CDH2: variants seen among roughly 807,000 people sequenced by gnomAD.
CDH2 encodes cadherin 2.
CDH2 carries 17 observed loss-of-function variants against 92.0 expected under a neutral mutation model. The ratio of observed to expected loss-of-function variants is 0.18; its 90% CI spans 0.13 to 0.28. CDH2 has a LOEUF of 0.28. CDH2 is among the 10% of genes least tolerant of loss of function. The pLI is 1.00. For synonymous variants in CDH2, 419 were observed against 415.9 expected (o/e 1.01, Z -0.09); for missense variants, 862 against 1,133.1 (o/e 0.76, Z 3.44).
intron 2 of CDH2, among the ~76,000 whole-genome samples, chr18:28,095,380 A>G (rs1304364987): frequency 2.0e-5 from 3 of 152,186 alleles, no homozygotes; most frequent in African/African-American, 7.2e-5. Flanking sequence ...CAGATGTTCA[A>G]GACAAGCCTG....
At chr18:28,071,747 T>C (rs1397423409) in intron 2 of CDH2, among the ~76,000 whole-genome samples, 1 of 152,154 alleles carries the variant, frequency 6.6e-6, no homozygotes, top group South Asian at 2.1e-4. Flanking sequence ...CCACTATCCA[T>C]TTCCTTGCAG....
At chr18:28,011,751 G>T in intron 4 of CDH2, 95 bp downstream of exon 4, 1 of 1,201,618 alleles carries the variant, frequency 8.3e-7, no homozygotes, top group Non-Finnish European at 1.2e-6. Context: ...GTATATACAT[G>T]TCATAAATTC....
intron 2 of CDH2, among the ~76,000 whole-genome samples, chr18:28,084,645 C>T (rs1263188918): frequency 6.6e-6 from 1 of 152,034 alleles, no homozygotes; most frequent in Non-Finnish European, 1.5e-5. Context: ...CTCTTACCAG[C>T]TTATGGGCCA....
chr18:27,996,405 T>C (rs2012581973), intron 7 of CDH2, among the ~76,000 whole-genome samples: 2 of 152,102 alleles, frequency 1.3e-5, no homozygotes, highest in Admixed American at 1.3e-4. Flanking sequence ...ACAGGCCTCA[T>C]AACCAAGTAA....
chr18:28,176,290 C>A (rs2016540019), intron 1 of CDH2, among the ~76,000 whole-genome samples: 1 of 152,166 alleles, frequency 6.6e-6, no homozygotes, highest in Non-Finnish European at 1.5e-5. Context: ...GCGTGAGAGG[C>A]CAGACTCGTT....
intron 5 of CDH2, among the ~76,000 whole-genome samples, chr18:28,008,887 T>C (rs1398646377): frequency 6.6e-6 from 1 of 152,178 alleles, no homozygotes; most frequent in Non-Finnish European, 1.5e-5. Flanking sequence ...TAAGTGTAGA[T>C]GATGGATCAA....
intron 14 of CDH2, among the ~76,000 whole-genome samples, chr18:27,975,602 G>A (rs770214756): frequency 1.6e-4 from 24 of 152,338 alleles, no homozygotes; most frequent in East Asian, 7.8e-4. Flanking sequence ...CCCAGAGGGC[G>A]TGTTACAATG....
At chr18:28,113,955 T>C (rs1148377) in intron 2 of CDH2, among the ~76,000 whole-genome samples, 36,842 of 151,910 alleles carry the variant, frequency 0.24, 4,775 homozygotes, top group East Asian at 0.35. Flanking sequence ...AAAAAGACTA[T>C]CTAAAACAAG....
chr18:27,999,765 T>C (rs992442237), intron 7 of CDH2, among the ~76,000 whole-genome samples: 2 of 151,758 alleles, frequency 1.3e-5, no homozygotes, highest in African/African-American at 4.8e-5. Flanking sequence ...CAGGGTGATA[T>C]GGTTTGGCTC....
chr18:28,045,133 T>A (rs554992969), intron 2 of CDH2, among the ~76,000 whole-genome samples: 1 of 152,286 alleles, frequency 6.6e-6, no homozygotes, highest in East Asian at 1.9e-4. Context: ...TTAAGTATGA[T>A]AATCTTATAG....
chr18:28,115,446 G>T (rs2015481209), intron 2 of CDH2, among the ~76,000 whole-genome samples: 1 of 152,118 alleles, frequency 6.6e-6, no homozygotes, highest in Admixed American at 6.6e-5. Context: ...TAGCAGAAGT[G>T]AAACCAGTCA....
At chr18:28,149,922 TAAG>T (rs1236089071) in intron 1 of CDH2, among the ~76,000 whole-genome samples, 1 of 152,102 alleles carries the variant, frequency 6.6e-6, no homozygotes, top group Non-Finnish European at 1.5e-5. Context: ...AATTGAGAAA[TAAG>T]AAGTGAGGCT....
At chr18:28,068,678 A>T (rs2014557878) in intron 2 of CDH2, among the ~76,000 whole-genome samples, 1 of 152,230 alleles carries the variant, frequency 6.6e-6, no homozygotes, top group South Asian at 2.1e-4. Context: ...TAATAACATT[A>T]GCAACCATCA....
intron 2 of CDH2, among the ~76,000 whole-genome samples, chr18:28,048,923 T>C (rs1180053416): frequency 1.3e-5 from 2 of 151,978 alleles, no homozygotes; most frequent in African/African-American, 4.8e-5. Flanking sequence ...AAACTGATAA[T>C]ACCATCTGCA....
At chr18:27,937,739 A>G (rs1022590928) in intron 6 of CDH2, among the ~76,000 whole-genome samples, 15 of 152,226 alleles carry the variant, frequency 9.9e-5, no homozygotes, top group African/African-American at 3.6e-4. Flanking sequence ...TTCGACATAA[A>G]TTGAACTAAT....
At chr18:27,984,713 T>A (rs2012167515) in intron 13 of CDH2, among the ~76,000 whole-genome samples, 1 of 152,300 alleles carries the variant, frequency 6.6e-6, no homozygotes, top group African/African-American at 2.4e-5. Flanking sequence ...TGTTTTTCTA[T>A]GAAAAGCGTT....
At chr18:28,023,572 G>C (rs1338490049) in intron 2 of CDH2, among the ~76,000 whole-genome samples, 1 of 152,074 alleles carries the variant, frequency 6.6e-6, no homozygotes, top group African/African-American at 2.4e-5. Context: ...TGATCCACCT[G>C]CCTTGGCCTC....
intron 5 of CDH2, 94 bp downstream of exon 5, chr18:28,009,623 T>C (rs1268895648): frequency 9.7e-7 from 1 of 1,031,588 alleles, no homozygotes; most frequent in Non-Finnish European, 1.4e-6. Context: ...ACTCTCAGTA[T>C]TGAGGCTTTC....
chr18:28,023,193 T>G (rs2013457028), intron 2 of CDH2, among the ~76,000 whole-genome samples: 1 of 152,192 alleles, frequency 6.6e-6, no homozygotes, highest in South Asian at 2.1e-4. Context: ...CAAACTTTTA[T>G]GTACAAGAGC....
Sources: allele counts gnomAD v4.1 joint callset (sites outside exome capture counted in the v4.1 genomes callset), GRCh38; gene constraint gnomAD v4.1.1; transcripts MANE v1.5; gene names NCBI Gene and HGNC (gene_info 2026-07-23, HGNC 2026-07-21).